The following PIK3C2G variants were observed in gnomAD, a reference collection of about 807,000 sequenced individuals.
PIK3C2G encodes the protein phosphatidylinositol-4-phosphate 3-kinase catalytic subunit type 2 gamma, also known as phosphatidylinositol 3-kinase C2 domain-containing subunit gamma.
Under a neutral mutation model 181.1 loss-of-function variants are expected in PIK3C2G, and 168 were observed. The ratio of observed to expected loss-of-function variants is 0.93; its 90% CI spans 0.82 to 1.05. PIK3C2G has a LOEUF of 1.05. Among genes scored for constraint, PIK3C2G ranks in the 50% least tolerant of loss-of-function variants. The pLI is 0.00. For missense variants in PIK3C2G, 1,869 were observed against 1,732.8 expected, an observed-to-expected ratio of 1.08 and a Z score of -1.40; for synonymous variants, 573 against 592.2, an observed-to-expected ratio of 0.97 and a Z score of 0.47.
intron 31 of PIK3C2G, among the ~76,000 whole-genome samples, chr12:18,623,674 C>T (rs976965793): frequency 6.6e-6 from 1 of 151,692 alleles, no homozygotes; most frequent in Admixed American, 6.6e-5. Flanking sequence ...TCCATGAATA[C>T]AGGCTATCTT....
intron 31 of PIK3C2G, among the ~76,000 whole-genome samples, chr12:18,614,835 A>T (rs1224495434): frequency 6.6e-6 from 1 of 152,106 alleles, no homozygotes; most frequent in Non-Finnish European, 1.5e-5. Flanking sequence ...CTTTAAACTG[A>T]ACAGTTATAC....
intron 24 of PIK3C2G, among the ~76,000 whole-genome samples, chr12:18,537,794 A>C (rs1194391799): frequency 6.6e-6 from 1 of 152,060 alleles, no homozygotes; most frequent in Non-Finnish European, 1.5e-5. Flanking sequence ...CGATCATATC[A>C]AAATTTAGCA....
At chr12:18,278,206 C>T (rs11043998) in intron 1 of PIK3C2G, among the ~76,000 whole-genome samples, 9,086 of 152,294 alleles carry the variant, frequency 0.06, 400 homozygotes, top group Non-Finnish European at 0.093. Flanking sequence ...ATGGGTCCCA[C>T]TGTACTAAGA....
chr12:18,702,016 A>AT, the PIK3C2G span, among the ~76,000 whole-genome samples: 383 of 151,880 alleles, frequency 2.5e-3, no homozygotes, highest in Non-Finnish European at 3.4e-3. Context: ...ACCATATGCC[A>AT]TTTTTTTTAT....
At chr12:18,470,566 T>C (rs894541741) in intron 18 of PIK3C2G, among the ~76,000 whole-genome samples, 2 of 152,186 alleles carry the variant, frequency 1.3e-5, no homozygotes, top group East Asian at 3.8e-4. Flanking sequence ...TTTAGAACAA[T>C]TCAATTTTTG....
chr12:18,477,733 T>C (rs986376601), intron 18 of PIK3C2G, among the ~76,000 whole-genome samples: 1 of 152,186 alleles, frequency 6.6e-6, no homozygotes, highest in African/African-American at 2.4e-5. Flanking sequence ...TTAATACCTT[T>C]ACAGAATGAA....
chr12:18,487,546 G>C (rs1940172692), intron 18 of PIK3C2G, among the ~76,000 whole-genome samples: 1 of 152,088 alleles, frequency 6.6e-6, no homozygotes, highest in Non-Finnish European at 1.5e-5. Flanking sequence ...TTAGAGAGAA[G>C]TTAATGTGCA....
chr12:18,423,618 G>C (rs1945613707), intron 17 of PIK3C2G, among the ~76,000 whole-genome samples: 1 of 152,072 alleles, frequency 6.6e-6, no homozygotes, highest in Non-Finnish European at 1.5e-5. Flanking sequence ...AAATATCTGT[G>C]GCTTAATAAT....
intron 18 of PIK3C2G, among the ~76,000 whole-genome samples, chr12:18,452,634 C>G (rs1261681058): frequency 1.3e-5 from 2 of 151,986 alleles, no homozygotes; most frequent in African/African-American, 4.8e-5. Flanking sequence ...GCTCTTGCTT[C>G]TCTAGTTCCT....
At chr12:18,693,811 C>A in the PIK3C2G span, 206,368 of 1,506,628 alleles carry the variant, frequency 0.14, 15,776 homozygotes, top group African/African-American at 0.21. Context: ...TCAGACCAGG[C>A]CGCATTGGCA....
At chr12:18,656,161 G>C in the PIK3C2G span, among the ~76,000 whole-genome samples, 1 of 152,148 alleles carries the variant, frequency 6.6e-6, no homozygotes, top group Non-Finnish European at 1.5e-5. Flanking sequence ...GGGCACAGTG[G>C]CTCACACCTG....
At chr12:18,538,526 G>A (rs1455865449) in intron 25 of PIK3C2G, among the ~76,000 whole-genome samples, 4 of 151,716 alleles carry the variant, frequency 2.6e-5, no homozygotes, top group Non-Finnish European at 5.9e-5. Context: ...ATTCCTATTC[G>A]TATCAATATT....
At chr12:18,615,240 T>A (rs2136632063) in intron 31 of PIK3C2G, among the ~76,000 whole-genome samples, 1 of 152,036 alleles carries the variant, frequency 6.6e-6, no homozygotes, top group African/African-American at 2.4e-5. Flanking sequence ...ATTCCTGAGT[T>A]GCTTCACTTA....
chr12:18,696,110 T>C, the PIK3C2G span: 1 of 1,065,800 alleles, frequency 9.4e-7, no homozygotes, highest in South Asian at 1.3e-5. Flanking sequence ...ATTCATTTTA[T>C]GTTACTTCTG....
At chr12:18,451,528 A>G (rs919362419) in intron 18 of PIK3C2G, among the ~76,000 whole-genome samples, 1 of 152,196 alleles carries the variant, frequency 6.6e-6, no homozygotes, top group Non-Finnish European at 1.5e-5. Context: ...AAACAGAGAC[A>G]ATTTGACTTC....
At chr12:18,339,794 G>A (rs763244277) in intron 9 of PIK3C2G, among the ~76,000 whole-genome samples, 12 of 152,120 alleles carry the variant, frequency 7.9e-5, no homozygotes, top group East Asian at 3.9e-4. Flanking sequence ...ATTTAAATAC[G>A]TTCTTTACAT....
chr12:18,696,570 T>C, the PIK3C2G span, among the ~76,000 whole-genome samples: 1 of 151,992 alleles, frequency 6.6e-6, no homozygotes, highest in East Asian at 1.9e-4. Flanking sequence ...CCAAATTATT[T>C]CACTTTGTTG....
chr12:18,338,541 A>C lies in PIK3C2G; in HGVS notation c.1388A>C (p.Lys463Thr), dbSNP rs1358085326. The C allele has an allele frequency of 6.3e-7, 1 of 1,585,832 alleles. No individual in the cohort carries two copies. Among genetic ancestry groups the C allele is most frequent in the East Asian group, 2.2e-5 (1 of 44,688 alleles). ...GAACTAAGTCTAATTCTTCAGAGAA[A>C]AGGAGAGGTAAGTACATTCATTTAT... ...VNELSLILQRKGENFYQSSET... is the reference protein window; with the variant it reads ...VNELSLILQRTGENFYQSSET... Residue 463 changes from lysine to threonine, a missense_variant, in exon 9 of 33, where the codon AAA (lysine) becomes ACA (threonine). Lys to Thr is a moderately conservative substitution (Grantham distance 78, BLOSUM62 -1). Coordinates refer to ENST00000538779, the MANE Select transcript of PIK3C2G (RefSeq NM_001288772.2).
intron 31 of PIK3C2G, among the ~76,000 whole-genome samples, chr12:18,610,194 G>A (rs74604087): frequency 0.016 from 2,398 of 152,146 alleles, 66 homozygotes; most frequent in African/African-American, 0.054. Context: ...CTAATGACCC[G>A]AGTTGGGGTG....
Sources: allele counts gnomAD v4.1 joint callset (sites outside exome capture counted in the v4.1 genomes callset), GRCh38; gene constraint gnomAD v4.1.1; transcripts MANE v1.5; gene names NCBI Gene and HGNC (gene_info 2026-07-23, HGNC 2026-07-21).